CPQ: variants seen among roughly 807,000 people sequenced by gnomAD.
CPQ encodes carboxypeptidase Q, also known as Ser-Met dipeptidase.
A neutral mutation model predicts 45.7 loss-of-function variants in CPQ; 37 were observed. The ratio of observed to expected loss-of-function variants is 0.81; its 90% CI spans 0.62 to 1.07. The LOEUF (loss-of-function observed/expected upper bound fraction) is 1.07, where lower values mean the gene tolerates loss of function less well. CPQ is among the 50% of genes least tolerant of loss of function. The probability of loss-of-function intolerance (pLI) is 0.00; values close to 1 mark genes in which losing one functional copy is unlikely to be tolerated. For missense variants in CPQ, 537 were observed against 572.9 expected, an observed-to-expected ratio of 0.94 and a Z score of 0.64; for synonymous variants, 186 against 205.8, an observed-to-expected ratio of 0.90 and a Z score of 0.82.
At chr8:97,122,971 T>TA (rs1385806600) in intron 7 of CPQ, among the ~76,000 whole-genome samples, 5 of 54,410 alleles carry the variant, frequency 9.2e-5, no homozygotes, top group East Asian at 7.2e-4. Context: ...TAAAATAAAA[T>TA]AAAATAAAAT....
At chr8:96,695,313 G>C (rs1439418012) in intron 1 of CPQ, among the ~76,000 whole-genome samples, 1 of 145,188 alleles carries the variant, frequency 6.9e-6, no homozygotes, top group Non-Finnish European at 1.5e-5. Context: ...AGACTTAAAC[G>C]TTAGACCTAA....
At chr8:96,966,954 G>A (rs1418572315) in intron 5 of CPQ, among the ~76,000 whole-genome samples, 1 of 152,174 alleles carries the variant, frequency 6.6e-6, no homozygotes, top group African/African-American at 2.4e-5. Flanking sequence ...TACACACATA[G>A]TTATCAATAT....
chr8:96,760,281 A>G (rs1198345253), intron 1 of CPQ, among the ~76,000 whole-genome samples: 2 of 152,194 alleles, frequency 1.3e-5, no homozygotes, highest in East Asian at 1.9e-4. Context: ...AATGCTTACT[A>G]TATGCCCAGT....
At chr8:97,081,964 A>G (rs985521169) in intron 7 of CPQ, among the ~76,000 whole-genome samples, 2 of 152,210 alleles carry the variant, frequency 1.3e-5, no homozygotes, top group Non-Finnish European at 2.9e-5. Flanking sequence ...GTCAAAGTGA[A>G]ATGCTTGGCA....
chr8:96,697,152 T>C (rs949627733), intron 1 of CPQ, among the ~76,000 whole-genome samples: 2 of 152,136 alleles, frequency 1.3e-5, no homozygotes, highest in African/African-American at 4.8e-5. Context: ...CTAAATTCAA[T>C]GATACACTAA....
intron 1 of CPQ, among the ~76,000 whole-genome samples, chr8:96,735,850 C>T (rs1206471481): frequency 6.6e-6 from 1 of 152,176 alleles, no homozygotes; most frequent in Non-Finnish European, 1.5e-5. Flanking sequence ...CAAGTCACTT[C>T]TTGTCCACAC....
chr8:97,023,794 A>C (rs527859688), intron 5 of CPQ, among the ~76,000 whole-genome samples: 1 of 152,304 alleles, frequency 6.6e-6, no homozygotes, highest in South Asian at 2.1e-4. Flanking sequence ...TCTCCTCTTG[A>C]GATCCCTCCC....
chr8:97,125,043 G>T (rs779976976), intron 7 of CPQ, among the ~76,000 whole-genome samples: 60 of 152,166 alleles, frequency 3.9e-4, no homozygotes, highest in Non-Finnish European at 4.6e-4. Flanking sequence ...ATGCAAACTG[G>T]CAATCTCAGG....
At chr8:96,955,999 G>T (rs1813351062) in intron 4 of CPQ, among the ~76,000 whole-genome samples, 1 of 152,084 alleles carries the variant, frequency 6.6e-6, no homozygotes. Context: ...AAAAGCAATG[G>T]CAACAAAAGC....
At chr8:96,821,237 GT>G (rs1261448671) in intron 2 of CPQ, among the ~76,000 whole-genome samples, 1 of 143,694 alleles carries the variant, frequency 7.0e-6, no homozygotes, top group Non-Finnish European at 1.5e-5. Flanking sequence ...CTCTCATTCT[GT>G]GTGTTGTCTT....
intron 4 of CPQ, among the ~76,000 whole-genome samples, chr8:96,904,363 T>C (rs138393134): frequency 7.2e-5 from 11 of 152,334 alleles, no homozygotes; most frequent in Admixed American, 3.3e-4. Flanking sequence ...TGGGATGCCT[T>C]ATACTACTTT....
At chr8:96,952,059 G>T (rs893860790) in intron 4 of CPQ, among the ~76,000 whole-genome samples, 2 of 152,078 alleles carry the variant, frequency 1.3e-5, no homozygotes, top group Non-Finnish European at 2.9e-5. Flanking sequence ...GAGAGATTAA[G>T]TAACTTGCTC....
chr8:97,008,811 A>G (rs903686696), intron 5 of CPQ, among the ~76,000 whole-genome samples: 1 of 152,198 alleles, frequency 6.6e-6, no homozygotes, highest in African/African-American at 2.4e-5. Flanking sequence ...TAATGCACAT[A>G]AAGTGTTTAG....
chr8:96,744,973 G>A lies in CPQ; in HGVS notation c.-34-39891G>A, dbSNP rs1810155186. Among the ~76,000 whole-genome samples the A allele has an allele frequency of 2.0e-5, 3 of 152,064 alleles. No homozygotes were observed. In the South Asian group the frequency reaches 6.2e-4, roughly 32 times the overall value. On this transcript the variant is annotated intron_variant, in intron 1 of 7. Coordinates refer to ENST00000220763, the MANE Select transcript of CPQ (RefSeq NM_016134.4). ...TCCTATTATTTTGAACTATCCCTAT[G>A]GCCCCCAATAGCATAGTGACTTAGG...
chr8:96,988,331 G>A (rs1809027099), intron 5 of CPQ, among the ~76,000 whole-genome samples: 1 of 152,110 alleles, frequency 6.6e-6, no homozygotes, highest in Non-Finnish European at 1.5e-5. Context: ...TCTAAAAAAT[G>A]TAATATATAT....
intron 5 of CPQ, among the ~76,000 whole-genome samples, chr8:97,011,135 AT>A (rs2130439238): frequency 6.6e-6 from 1 of 152,292 alleles, no homozygotes; most frequent in African/African-American, 2.4e-5. Context: ...GTTAGTGATA[AT>A]TTTTAGACCC....
chr8:97,023,640 G>A (rs1305369008), intron 5 of CPQ, among the ~76,000 whole-genome samples: 2 of 152,160 alleles, frequency 1.3e-5, no homozygotes, highest in Non-Finnish European at 2.9e-5. Context: ...TAATGAGGTA[G>A]GACTGTTGCC....
chr8:96,933,634 G>C (rs1343956841), intron 4 of CPQ, among the ~76,000 whole-genome samples: 4 of 152,188 alleles, frequency 2.6e-5, no homozygotes, highest in African/African-American at 9.7e-5. Context: ...CTATTCTATG[G>C]TGTGGTGGTC....
chr8:96,990,796 A>G (rs764801434), intron 5 of CPQ, among the ~76,000 whole-genome samples: 1 of 152,200 alleles, frequency 6.6e-6, no homozygotes, highest in African/African-American at 2.4e-5. Context: ...CTCAACATAG[A>G]TACCTATGGA....
Sources: allele counts gnomAD v4.1 joint callset (sites outside exome capture counted in the v4.1 genomes callset), GRCh38; gene constraint gnomAD v4.1.1; transcripts MANE v1.5; gene names NCBI Gene and HGNC (gene_info 2026-07-23, HGNC 2026-07-21).